Variants in PROM1 observed in about 807,000 individuals in gnomAD.
PROM1 encodes the protein prominin-1.
Under a neutral mutation model 116.9 loss-of-function variants are expected in PROM1, and 105 were observed. That is an observed-to-expected ratio of 0.90 (90% CI 0.77 to 1.06). The LOEUF is 1.06. Ranked by LOEUF, PROM1 falls within the 50% of genes least tolerant of loss-of-function variation. PROM1 has a pLI of 0.00. For synonymous variants in PROM1, 393 were observed against 387.0 expected (o/e 1.02, Z -0.18); for missense variants, 1,122 against 1,045.2 (o/e 1.07, Z -1.01).
At chr4:15,994,480 A>G (rs1380267850) in intron 15 of PROM1, among the ~76,000 whole-genome samples, 1 of 152,138 alleles carries the variant, frequency 6.6e-6, no homozygotes, top group African/African-American at 2.4e-5. Context: ...TGCCAAGAAC[A>G]TTTCTCCTCT....
At chr4:16,077,580 G>C (rs1034977216) in intron 1 of PROM1, among the ~76,000 whole-genome samples, 1 of 151,666 alleles carries the variant, frequency 6.6e-6, no homozygotes, top group African/African-American at 2.4e-5. Context: ...CAAGTCTCTC[G>C]TTCCACCTAA....
At chr4:16,055,851 T>C (rs1738882083) in intron 2 of PROM1, among the ~76,000 whole-genome samples, 1 of 151,790 alleles carries the variant, frequency 6.6e-6, no homozygotes, top group Non-Finnish European at 1.5e-5. Flanking sequence ...AAATTAATCG[T>C]ATCTTTTGGC....
chr4:16,033,584 TTC>T (rs368931363), intron 4 of PROM1, 75 bp from the exon 5 acceptor site: 5 of 876,284 alleles, frequency 5.7e-6, no homozygotes, highest in South Asian at 2.3e-5. Context: ...GTGTACAAAG[TTC>T]TTTTTTTTTT....
At chr4:16,050,538 G>C (rs1277308020) in intron 2 of PROM1, among the ~76,000 whole-genome samples, 2 of 152,088 alleles carry the variant, frequency 1.3e-5, no homozygotes, top group Non-Finnish European at 2.9e-5. Context: ...ATTTTCTGAA[G>C]AGATGAGATT....
At chr4:16,030,117 G>A (rs927834842) in intron 5 of PROM1, among the ~76,000 whole-genome samples, 1 of 152,102 alleles carries the variant, frequency 6.6e-6, no homozygotes, top group Admixed American at 6.6e-5. Flanking sequence ...ACAATATGTA[G>A]GTATTATGCA....
At chr4:15,997,778 T>C (rs115582176) in intron 15 of PROM1, among the ~76,000 whole-genome samples, 2,817 of 152,274 alleles carry the variant, frequency 0.018, 84 homozygotes, top group African/African-American at 0.064. Flanking sequence ...ATGAACAATA[T>C]TAAGAACAGG....
chr4:15,991,187 C>T (rs1197965045), intron 18 of PROM1, 35 bp downstream of exon 18: 14 of 1,552,562 alleles, frequency 9.0e-6, no homozygotes, highest in African/African-American at 1.4e-5. Context: ...ACATCTACAA[C>T]TACTACAGTA....
chr4:16,056,474 A>G (rs1266252069), intron 2 of PROM1, among the ~76,000 whole-genome samples: 2 of 152,134 alleles, frequency 1.3e-5, no homozygotes, highest in African/African-American at 4.8e-5. Flanking sequence ...AACAAAATCA[A>G]TAGTGTTCCC....
chr4:15,990,069 T>C (rs1577874002), intron 18 of PROM1, among the ~76,000 whole-genome samples: 1 of 152,148 alleles, frequency 6.6e-6, no homozygotes, highest in East Asian at 1.9e-4. Context: ...GAGACTGTGT[T>C]CTCTCCACCT....
chr4:16,026,021 G>A (rs1029776423), intron 5 of PROM1, among the ~76,000 whole-genome samples: 1 of 152,212 alleles, frequency 6.6e-6, no homozygotes, highest in African/African-American at 2.4e-5. Flanking sequence ...GAATGGCAGA[G>A]TACTCTGTTC....
At chr4:15,998,628 C>T (rs1212708731) in intron 14 of PROM1, 140 bp from the exon 15 acceptor site, 10 of 925,920 alleles carry the variant, frequency 1.1e-5, no homozygotes, top group Non-Finnish European at 1.5e-5. Context: ...CAACTTATAA[C>T]TAGAAAATAA....
intron 10 of PROM1, among the ~76,000 whole-genome samples, chr4:16,014,157 T>C (rs1411022627): frequency 6.6e-6 from 1 of 152,212 alleles, no homozygotes; most frequent in Non-Finnish European, 1.5e-5. Context: ...TCTGCTGGTG[T>C]ACTTAGCCGT....
In PROM1 at chr4:16,008,949, C is replaced by A. The variant is rs1461400697; in HGVS notation, c.1301G>T (p.Trp434Leu). 2 of 1,579,378 alleles carry A rather than the reference C, an allele frequency of 1.3e-6. No homozygotes were observed. Among genetic ancestry groups the A allele is most frequent in the East Asian group, 2.2e-5 (1 of 44,668 alleles). Residue 434 changes from tryptophan to leucine, a missense_variant and splice_region_variant, in exon 12 of 28, where the codon TGG (tryptophan) becomes TTG (leucine). Physicochemically the swap from Trp to Leu is moderately conservative, Grantham distance 61. Transcript: ENST00000447510. ...LPTLEEYDSYWWLGGLVICSL... is the reference protein window; with the variant it reads ...LPTLEEYDSYLWLGGLVICSL... ...TCACCAGCTCCAAGGAGACACTCAC[C>A]AGTATGAATCATACTCTTCCAATGT...
chr4:15,971,232 C>A, intron 26 of PROM1, 150 bp from the exon 27 acceptor site: 2 of 591,230 alleles, frequency 3.4e-6, no homozygotes, highest in Non-Finnish European at 5.9e-6. Context: ...ATGTGTCAGA[C>A]AAAACACTGG....
At chr4:15,995,769 C>G (rs1274036060) in intron 15 of PROM1, among the ~76,000 whole-genome samples, 1 of 152,164 alleles carries the variant, frequency 6.6e-6, no homozygotes, top group Non-Finnish European at 1.5e-5. Flanking sequence ...CCTTCCTAAT[C>G]CCTCCATTCC....
chr4:15,986,033 C>A lies in PROM1; in HGVS notation c.2135G>T (p.Arg712Ile). 6.4e-7 allele frequency: 1 copy of A among 1,566,060 alleles called. No individual in the cohort carries two copies. The highest frequency in any genetic ancestry group is 8.7e-7 in the Non-Finnish European group (1 of 1,146,520). ...CAGAGAAGCTAGAATCCTAGTTACT[C>A]TCTCCTGAAAGACACAGCCACAGTT... ...LQRTGNGLLE[R>I]VTRILASLDF... is the part of the protein sequence containing the mutation. Residue 712 changes from arginine to isoleucine, a missense_variant, in exon 21 of 28, where the codon AGA becomes ATA. Transcript: ENST00000447510.
intron 1 of PROM1, chr4:16,080,009 T>TAAA (rs1483681120): frequency 3.5e-4 from 1 of 2,824 alleles, no homozygotes. Context: ...GCCCTGTCTC[T>TAAA]ACAAAAAAAA....
chr4:15,989,871 C>T (rs1196883345), intron 18 of PROM1, 47 bp from the exon 19 acceptor site: 2 of 1,447,660 alleles, frequency 1.4e-6, no homozygotes, highest in East Asian at 2.4e-5. Flanking sequence ...TTTCCAGACT[C>T]AAAGCACTCT....
At chr4:16,053,514 A>T (rs1738323837) in intron 2 of PROM1, among the ~76,000 whole-genome samples, 1 of 152,230 alleles carries the variant, frequency 6.6e-6, no homozygotes, top group Non-Finnish European at 1.5e-5. Flanking sequence ...TGGGCACTAA[A>T]CTTAATGATG....
Sources: gnomAD v4.1 joint callset for allele counts (sites outside exome capture counted in the v4.1 genomes callset) on GRCh38, gnomAD v4.1.1 for gene constraint, MANE v1.5 for transcripts, NCBI Gene and HGNC (gene_info 2026-07-23, HGNC 2026-07-21) for gene names.